The following GINM1 variants were observed in gnomAD, a reference collection of about 807,000 sequenced individuals.
GINM1 encodes glycoprotein integral membrane protein 1.
Under a neutral mutation model 37.8 loss-of-function variants are expected in GINM1, and 29 were observed. The observed-to-expected ratio is 0.77, with a 90% confidence interval of 0.57 to 1.05. GINM1 has a LOEUF of 1.05. GINM1 is among the 50% of genes least tolerant of loss of function. The pLI is 0.00. For missense variants in GINM1, 377 were observed against 397.9 expected, an observed-to-expected ratio of 0.95 and a Z score of 0.45; for synonymous variants, 143 against 146.2, an observed-to-expected ratio of 0.98 and a Z score of 0.16.
At chr6:149,570,144 A>T (rs1315789474) in intron 1 of GINM1, among the ~76,000 whole-genome samples, 584 of 6,088 alleles carry the variant, frequency 0.096, 17 homozygotes, top group African/African-American at 0.18. Context: ...TTTTATATAT[A>T]TATATATATA....
chr6:149,581,631 A>C (rs1182102765), intron 6 of GINM1, among the ~76,000 whole-genome samples: 2 of 152,232 alleles, frequency 1.3e-5, no homozygotes, highest in African/African-American at 4.8e-5. Flanking sequence ...ATAAATATGC[A>C]TTGGCACCTA....
At chr6:149,583,339 TG>T (rs1300850634) in intron 7 of GINM1, among the ~76,000 whole-genome samples, 7 of 152,104 alleles carry the variant, frequency 4.6e-5, no homozygotes, top group Non-Finnish European at 4.4e-5. Flanking sequence ...GGCAGGCGCC[TG>T]TAGTCCCAGT....
At chr6:149,571,940 G>C (rs1237069170) in intron 1 of GINM1, among the ~76,000 whole-genome samples, 1 of 152,032 alleles carries the variant, frequency 6.6e-6, no homozygotes, top group Non-Finnish European at 1.5e-5. Flanking sequence ...CATTAGCTGG[G>C]TGTGGTGGTG....
intron 6 of GINM1, 76 bp downstream of exon 6, chr6:149,580,799 A>G (rs1562272470): frequency 7.5e-7 from 1 of 1,335,738 alleles, no homozygotes. Context: ...TTTAAAATGG[A>G]GTGGAAATCC....
chr6:149,571,109 T>C (rs1777814390), intron 1 of GINM1, among the ~76,000 whole-genome samples: 1 of 151,852 alleles, frequency 6.6e-6, no homozygotes, highest in East Asian at 1.9e-4. Context: ...AGGTCGGGAG[T>C]TCGCAACCAG....
At chr6:149,573,400 G>C (rs528762041) in intron 3 of GINM1, among the ~76,000 whole-genome samples, 1 of 152,282 alleles carries the variant, frequency 6.6e-6, no homozygotes, top group East Asian at 1.9e-4. Flanking sequence ...CTGCACTCCA[G>C]CATGGGTGAC....
At chr6:149,569,581 A>G (rs893685021) in intron 1 of GINM1, among the ~76,000 whole-genome samples, 4 of 151,366 alleles carry the variant, frequency 2.6e-5, no homozygotes, top group African/African-American at 9.7e-5. Flanking sequence ...CAGGTGATCC[A>G]CCCGCCTCAG....
rs201236927 is a variant in GINM1, at chr6:149,590,200, G to GT, written c.882-525dup. On this transcript the variant is annotated intron_variant, in intron 7 of 7. Coordinates refer to ENST00000367419, the MANE Select transcript of GINM1 (RefSeq NM_138785.5). ...AAAAAATCTTATGGCTGTTCTTGCA[G>GT]TTACTCCCCTGTGAACTTTAGAATC... 4.2e-3 allele frequency among the ~76,000 whole-genome samples: 635 copies of GT among 152,294 alleles called. 6 individuals are homozygous for GT. Among genetic ancestry groups the GT allele is most frequent in the African/African-American group, 0.014 (595 of 41,572 alleles).
chr6:149,567,150 C>T (rs1777734192), intron 1 of GINM1, among the ~76,000 whole-genome samples: 1 of 152,130 alleles, frequency 6.6e-6, no homozygotes, highest in Non-Finnish European at 1.5e-5. Context: ...CCTCTGGGGG[C>T]GGGGCCCAGC....
rs1224258383 is a variant in GINM1, at chr6:149,566,924, T to G, written c.120+390T>G. Among the ~76,000 whole-genome samples, 1 of 152,208 alleles carries G rather than the reference T, an allele frequency of 6.6e-6. No individual in the cohort carries two copies. Among genetic ancestry groups the G allele is most frequent in the Admixed American group, 6.5e-5 (1 of 15,270 alleles). ...TTTGTGTGCTCGGGAAGTGTGGAAGTTGCCCACTTCGCGCATTTCCAGGCC... is the reference window on the plus strand; with the variant it reads ...TTTGTGTGCTCGGGAAGTGTGGAAGGTGCCCACTTCGCGCATTTCCAGGCC... On this transcript the variant is annotated intron_variant, in intron 1 of 7. Coordinates refer to ENST00000367419, the MANE Select transcript of GINM1 (RefSeq NM_138785.5). This position sits in a 1 kb window ranked among gnomAD's most constrained non-coding sequence, Gnocchi z 4.4.
intron 3 of GINM1, among the ~76,000 whole-genome samples, chr6:149,574,242 G>C (rs9766430): frequency 0.018 from 2,674 of 151,758 alleles, 43 homozygotes; most frequent in African/African-American, 0.042. Flanking sequence ...GTAGAGATGG[G>C]GTTTCACCAT....
chr6:149,575,408 CACTT>C (rs1177880348), intron 3 of GINM1, among the ~76,000 whole-genome samples: 1 of 152,194 alleles, frequency 6.6e-6, no homozygotes, highest in African/African-American at 2.4e-5. Context: ...AACATTTAAA[CACTT>C]CATTTTCTCC....
At chr6:149,574,977 G>C (rs1184093676) in intron 3 of GINM1, among the ~76,000 whole-genome samples, 1 of 152,014 alleles carries the variant, frequency 6.6e-6, no homozygotes, top group Non-Finnish European at 1.5e-5. Flanking sequence ...TTTTGCCTTT[G>C]GGTTATTATT....
Position 149,572,587 on chromosome 6 carries a change from C to A in GINM1, c.261C>A (p.Ser87Arg). 6.3e-7 allele frequency: 1 copy of A among 1,583,958 alleles called. No individual in the cohort carries two copies. Among genetic ancestry groups the A allele is most frequent in the South Asian group, 1.1e-5 (1 of 90,196 alleles). Residue 87 changes from serine to arginine, a missense_variant, in exon 3 of 8, where the codon AGC becomes AGA. Physicochemically the swap from Ser to Arg is moderately radical, Grantham distance 110 (BLOSUM62 -1). Transcript: ENST00000367419. ...LPVNSGVTRI[S>R]CQTLIVKNEN... ...TAAATAGTGGTGTAACCCGAATAAG[C>A]TGTCAGACTTTGATAGGTGAGTATT...
At position 149,572,667 on chromosome 6, in the gene GINM1, T is replaced by C. The variant is rs1455197784; in HGVS notation, c.277+64T>C. ...TTTGTGTGTTTGTTGTTGTTGTTGT[T>C]GTTGTTTGTTTTTTGAGACAGTCTT... On this transcript the variant is annotated intron_variant, in intron 3 of 7. Coordinates refer to ENST00000367419, the MANE Select transcript of GINM1 (RefSeq NM_138785.5). 5.7e-6 allele frequency: 6 copies of C among 1,052,044 alleles called. No homozygotes were observed. The Admixed American group carries it at 1.1e-4, about 19-fold the overall frequency. 65.2% of individuals were successfully genotyped at this position (1,052,044 alleles called of 1,614,324 possible).
At chr6:149,576,370 A>C (rs953433789) in intron 3 of GINM1, 2 of 152,350 alleles carry the variant, frequency 1.3e-5, no homozygotes, top group Admixed American at 6.5e-5. Context: ...TAAGAAAAAG[A>C]GTACTAGCAA....
intron 7 of GINM1, among the ~76,000 whole-genome samples, chr6:149,587,521 C>T (rs1381897695): frequency 6.6e-6 from 1 of 152,116 alleles, no homozygotes; most frequent in African/African-American, 2.4e-5. Flanking sequence ...GCTCACAGAT[C>T]TCAGGGAAAC....
At chr6:149,581,485 T>G (rs1778000990) in intron 6 of GINM1, among the ~76,000 whole-genome samples, 2 of 152,150 alleles carry the variant, frequency 1.3e-5, no homozygotes, top group African/African-American at 4.8e-5. Context: ...TTCCCCGTAC[T>G]CCCACTTTGG....
At position 149,572,550 on chromosome 6, in the gene GINM1, A is replaced by T; in HGVS notation, c.224A>T (p.Asn75Ile). 6.2e-7 allele frequency: 1 copy of T among 1,608,462 alleles called. No homozygotes were observed. The highest frequency in any genetic ancestry group is 1.3e-5 in the African/African-American group (1 of 74,854). The change falls in exon 3 of 8, where the codon AAT becomes ATT. Residue 75 changes from asparagine (N) to isoleucine (I), a missense_variant. Physicochemically the swap from Asn to Ile is moderately radical, Grantham distance 149. Coordinates refer to ENST00000367419, the MANE Select transcript of GINM1 (RefSeq NM_138785.5). ...TATGAGAGTGGACAGGTGTATGTAAATGACTTACCTGTAAATAGTGGTGTA... is the reference window on the plus strand; with the variant it reads ...TATGAGAGTGGACAGGTGTATGTAATTGACTTACCTGTAAATAGTGGTGTA... ...ITYESGQVYV[N>I]DLPVNSGVTR...
Sources: allele counts gnomAD v4.1 joint callset (sites outside exome capture counted in the v4.1 genomes callset), GRCh38; gene constraint gnomAD v4.1.1; non-coding constraint Gnocchi (gnomAD v3.1); transcripts MANE v1.5; gene names NCBI Gene and HGNC (gene_info 2026-07-23, HGNC 2026-07-21).